Variants in SMARCA1 observed in about 807,000 individuals in gnomAD.
The protein encoded by SMARCA1 is SNF2 related chromatin remodeling ATPase 1, also known as SWI/SNF-related matrix-associated actin-dependent regulator of chromatin subfamily A member 1.
SMARCA1 carries 17 observed loss-of-function variants against 93.6 expected under a neutral mutation model. That is an observed-to-expected ratio of 0.18 (90% CI 0.12 to 0.27). The LOEUF is 0.27. Among genes scored for constraint, SMARCA1 ranks in the 10% least tolerant of loss-of-function variants. SMARCA1 has a pLI of 1.00. For synonymous variants in SMARCA1, 271 were observed against 271.4 expected (o/e 1.00, Z 0.01); for missense variants, 630 against 819.0 (o/e 0.77, Z 2.82).
chrX:129,507,774 A>C (rs1436312261), intron 7 of SMARCA1, among the ~76,000 whole-genome samples, 167 bp downstream of exon 7: 1 of 112,053 alleles, frequency 8.9e-6, no homozygotes, highest in African/African-American at 3.2e-5. Context: ...GAATGGTCTC[A>C]ATCTCTTGAT....
rs1291630513 is a variant in SMARCA1 at position 129,504,567 on chromosome X, A to C, written c.1167+167T>G. 3.0e-5 allele frequency among the ~76,000 whole-genome samples: 3 copies of C among 98,406 alleles called. No homozygotes were observed. In the East Asian group the frequency reaches 9.4e-4, roughly 31 times the overall value. 85.5% of individuals were successfully genotyped at this position (98,406 alleles called of 115,157 possible). On this transcript the variant is annotated intron_variant, in intron 9 of 24. Transcript: ENST00000371121. Reference sequence around the variant, plus strand: ...AGAGGAATAAAAAAAAAAAAAAAAAAAAAAAAAAAAAAAACAAAGAGGCTG... The same window carrying C: ...AGAGGAATAAAAAAAAAAAAAAAAACAAAAAAAAAAAAAACAAAGAGGCTG...
intron 19 of SMARCA1, among the ~76,000 whole-genome samples, chrX:129,475,148 CA>C (rs768660081): frequency 1.9e-4 from 20 of 105,679 alleles, no homozygotes; most frequent in South Asian, 4.1e-4. Flanking sequence ...ATAAGACATA[CA>C]TTTTTTTTTT....
chrX:129,467,859 T>C (rs1263251323), intron 21 of SMARCA1, among the ~76,000 whole-genome samples: 1 of 112,015 alleles, frequency 8.9e-6, no homozygotes, highest in Admixed American at 9.5e-5. Context: ...AAACCTACTT[T>C]GTAAACTTAA....
chrX:129,496,654 A>G, intron 12 of SMARCA1, 96 bp downstream of exon 12: 3 of 788,946 alleles, frequency 3.8e-6, no homozygotes, highest in Non-Finnish European at 5.5e-6. Flanking sequence ...GCACCCACCT[A>G]AAGAAAAGGC....
At chrX:129,463,798 C>A (rs1015623724) in intron 23 of SMARCA1, among the ~76,000 whole-genome samples, 1 of 109,957 alleles carries the variant, frequency 9.1e-6, no homozygotes, top group African/African-American at 3.3e-5. Context: ...GTTAGCCGGG[C>A]GTGGTGCAGG....
intron 21 of SMARCA1, among the ~76,000 whole-genome samples, chrX:129,467,351 C>T (rs1478910036): frequency 9.0e-6 from 1 of 111,600 alleles, no homozygotes; most frequent in Non-Finnish European, 1.9e-5. Flanking sequence ...TGCAACTTCA[C>T]ATACACCGAT....
rs774346213 is a variant in SMARCA1 at position 129,511,908 on chromosome X, T to C, written c.706A>G (p.Met236Val). 5 of 1,206,993 alleles carry C rather than the reference T, an allele frequency of 4.1e-6. No homozygotes were observed. Among genetic ancestry groups the C allele is most frequent in the Non-Finnish European group, 5.6e-6 (5 of 891,816 alleles). Residue 236 changes from methionine (M) to valine (V), a missense_variant, in exon 6 of 25, where the codon ATG becomes GTG. By Grantham distance (21) the Met-to-Val change is conservative. Around this residue, in one of 4 missense-constraint regions of SMARCA1, gnomAD observed 382 missense variants for 537.9 expected, o/e 0.71. Transcript: ENST00000371121. ...KHYRNIPGPH[M>V]VLVPKSTLHN... ...AAAGTAGACTTTGGAACTAAAACCATGTGAGGTCCAGGAATATTTCGGTAG... is the reference window on the plus strand; with the variant it reads ...AAAGTAGACTTTGGAACTAAAACCACGTGAGGTCCAGGAATATTTCGGTAG...
chrX:129,505,199 C>CT (rs1292411332), intron 8 of SMARCA1, among the ~76,000 whole-genome samples: 1 of 112,032 alleles, frequency 8.9e-6, no homozygotes, highest in African/African-American at 3.2e-5. Flanking sequence ...AAACTTGCTA[C>CT]TTTTTATTAT....
chrX:129,481,950 G>C (rs1933682433), intron 17 of SMARCA1, among the ~76,000 whole-genome samples: 1 of 104,524 alleles, frequency 9.6e-6, no homozygotes, highest in African/African-American at 3.5e-5. Flanking sequence ...AACAATGATA[G>C]ACTGGATTAA....
chrX:129,481,970 G>A (rs1410445525), intron 17 of SMARCA1, among the ~76,000 whole-genome samples: 3 of 102,362 alleles, frequency 2.9e-5, no homozygotes, highest in African/African-American at 1.1e-4. Flanking sequence ...AGAAAATGTG[G>A]CACATATACA....
intron 21 of SMARCA1, among the ~76,000 whole-genome samples, chrX:129,467,597 A>G (rs1356460854): frequency 9.0e-5 from 10 of 110,688 alleles, no homozygotes; most frequent in Non-Finnish European, 1.1e-4. Context: ...ATATGTAATA[A>G]AAACTCAATA....
chrX:129,481,022 G>A (rs1276018769), intron 18 of SMARCA1, 53 bp downstream of exon 18: 13 of 773,162 alleles, frequency 1.7e-5, no homozygotes, highest in Non-Finnish European at 2.5e-5. Context: ...CATAGATCAT[G>A]TTGCAACAGA....
chrX:129,489,636 C>A (rs1025947756), intron 15 of SMARCA1, among the ~76,000 whole-genome samples: 1 of 112,446 alleles, frequency 8.9e-6, no homozygotes, highest in Non-Finnish European at 1.9e-5. Flanking sequence ...CGGCTCACTG[C>A]AACCTCCACC....
intron 19 of SMARCA1, among the ~76,000 whole-genome samples, chrX:129,471,608 G>A (rs1189554764): frequency 9.0e-6 from 1 of 110,873 alleles, no homozygotes; most frequent in Admixed American, 9.6e-5. Context: ...TTATACTATT[G>A]TAATATACAG....
intron 9 of SMARCA1, among the ~76,000 whole-genome samples, chrX:129,500,055 T>G (rs1259922337): frequency 2.8e-5 from 3 of 107,744 alleles, no homozygotes; most frequent in Non-Finnish European, 5.7e-5. Flanking sequence ...CATGACTTCA[T>G]GGCACAAAAT....
intron 23 of SMARCA1, among the ~76,000 whole-genome samples, chrX:129,461,810 T>C (rs1932810166): frequency 8.9e-6 from 1 of 112,030 alleles, no homozygotes; most frequent in Non-Finnish European, 1.9e-5. Context: ...TACTTGTTTA[T>C]GTAGTTCAAT....
intron 19 of SMARCA1, among the ~76,000 whole-genome samples, chrX:129,478,928 T>G (rs954729386): frequency 9.0e-6 from 1 of 111,530 alleles, no homozygotes; most frequent in Non-Finnish European, 1.9e-5. Flanking sequence ...ATAGAACATC[T>G]GAATACTGAG....
chrX:129,481,637 A>AT (rs1425083187), intron 17 of SMARCA1, among the ~76,000 whole-genome samples: 9 of 111,671 alleles, frequency 8.1e-5, no homozygotes, highest in African/African-American at 2.9e-4. Context: ...ATGAGATACC[A>AT]TCTCACACCA....
intron 23 of SMARCA1, among the ~76,000 whole-genome samples, chrX:129,451,028 A>T (rs1228570172): frequency 8.9e-6 from 1 of 112,003 alleles, no homozygotes; most frequent in African/African-American, 3.2e-5. Context: ...GCCAGAAAAA[A>T]ATTGCTCATT....
Sources: gnomAD v4.1 joint callset for allele counts (sites outside exome capture counted in the v4.1 genomes callset) on GRCh38, gnomAD v4.1.1 for gene constraint, gnomAD v4.1.1 regional missense constraint, MANE v1.5 for transcripts, NCBI Gene and HGNC (gene_info 2026-07-23, HGNC 2026-07-21) for gene names.